Variants in STX19 observed in about 807,000 individuals in gnomAD.
STX19 encodes the protein syntaxin 19.
In STX19, 26 loss-of-function variants were observed where a neutral mutation model predicts 24.3. The observed-to-expected ratio is 1.07, with a 90% CI of 0.78 to 1.48. STX19 has a LOEUF of 1.48. Among genes scored for constraint, STX19 ranks in the 40% most tolerant of loss-of-function variants. The pLI, the probability that STX19 is intolerant of heterozygous loss-of-function variation, is 0.00. For missense variants in STX19, 367 were observed against 331.9 expected (o/e 1.11, Z -0.82); for synonymous variants, 116 against 106.9 (o/e 1.09, Z -0.52).
intron 1 of STX19, among the ~76,000 whole-genome samples, chr3:94,022,860 A>G (rs1180602818): frequency 6.6e-6 from 1 of 152,070 alleles, no homozygotes. Flanking sequence ...TTAATTACCA[A>G]AGTTTTTCAC....
At chr3:94,019,196 T>C (rs1002589509) in intron 1 of STX19, among the ~76,000 whole-genome samples, 1 of 152,024 alleles carries the variant, frequency 6.6e-6, no homozygotes, top group African/African-American at 2.4e-5. Context: ...CCTGTTATTT[T>C]TGTTAATTTT....
intron 1 of STX19, among the ~76,000 whole-genome samples, chr3:94,021,250 G>A (rs2076442783): frequency 3.3e-5 from 5 of 151,144 alleles, no homozygotes; most frequent in African/African-American, 9.7e-5. Flanking sequence ...CTGGAGTGCA[G>A]TGTCATGATC....
At chr3:94,020,199 G>A (rs2076418684) in intron 1 of STX19, among the ~76,000 whole-genome samples, 1 of 152,100 alleles carries the variant, frequency 6.6e-6, no homozygotes, top group Non-Finnish European at 1.5e-5. Context: ...ACCTTGATGA[G>A]TCTTATATTT....
chr3:94,025,065 T>G (rs1329466670), intron 1 of STX19, among the ~76,000 whole-genome samples: 1 of 152,202 alleles, frequency 6.6e-6, no homozygotes, highest in East Asian at 1.9e-4. Context: ...TTACTGCCAC[T>G]GATTTTGGAA....
chr3:94,020,660 T>C (rs2106996422), intron 1 of STX19, among the ~76,000 whole-genome samples: 1 of 152,312 alleles, frequency 6.6e-6, no homozygotes, highest in South Asian at 2.1e-4. Context: ...TAAAAGTTTA[T>C]TCGGAAACAT....
Position 94,014,548 on chromosome 3 carries a change from T to C in STX19, c.722A>G (p.Glu241Gly), listed in dbSNP as rs774893160. ...DLFIQISLLVEEQGESINNIE... is the reference protein window; with the variant it reads ...DLFIQISLLVGEQGESINNIE... ...ATTGTTGATGCTCTCTCCTTGTTCC[T>C]CTACTAAAAGAGATATCTGAATGAA... Residue 241 changes from glutamate to glycine, a missense_variant, in exon 2 of 2, where the codon GAG becomes GGG. Coordinates refer to ENST00000315099, the MANE Select transcript of STX19 (RefSeq NM_001001850.3). 1.7e-5 allele frequency: 27 copies of C among 1,612,772 alleles called. No individual in the cohort carries two copies. The highest frequency in any genetic ancestry group is 2.0e-5 in the Non-Finnish European group (24 of 1,179,694).
rs1374871052 is a variant in STX19 at position 94,015,031 on chromosome 3, G to A, written c.239C>T (p.Ala80Val). The change falls in exon 2 of 2, where the codon GCT becomes GTT. Residue 80 changes from alanine to valine, a missense_variant. Transcript: ENST00000315099. The stretch of plus-strand genomic sequence containing the variant: ...AAGTAGACTAAACCTTCTCATTGAA[G>A]CCACCAGACTTTTCTGTTGCTGCCC... ...KFGQQQKSLV[A>V]SMRRFSLLKR... is the part of the protein sequence containing the mutation. The A allele has an allele frequency of 6.2e-7, 1 of 1,613,980 alleles. No individual in the cohort carries two copies. Among genetic ancestry groups the A allele is most frequent in the Non-Finnish European group, 8.5e-7 (1 of 1,179,954 alleles).
At position 94,015,077 on chromosome 3, in the gene STX19, C is replaced by G. The variant is rs756694465; in HGVS notation, c.193G>C (p.Ala65Pro). The G allele has an allele frequency of 5.0e-6, 8 of 1,613,836 alleles. No individual in the cohort carries two copies. The South Asian group carries it at 8.8e-5, about 18-fold the overall frequency. The change falls in exon 2 of 2, where the codon GCA (alanine) becomes CCA (proline). Residue 65 changes from alanine (A) to proline (P), a missense_variant. Physicochemically the swap from Ala to Pro is conservative, Grantham distance 27. Transcript: ENST00000315099. The part of the protein sequence containing the change: ...QKLQESINNL[A>P]DNVQKFGQQQ... Reference sequence around the variant, plus strand: ...TGCCCAAATTTTTGAACATTATCTGCCAAATTGTTAATACTTTCCTGTAGT... The same window carrying G: ...TGCCCAAATTTTTGAACATTATCTGGCAAATTGTTAATACTTTCCTGTAGT...
intron 1 of STX19, among the ~76,000 whole-genome samples, chr3:94,017,830 A>G (rs1477537236): frequency 6.6e-6 from 1 of 152,118 alleles, no homozygotes; most frequent in Non-Finnish European, 1.5e-5. Flanking sequence ...AATGAGACTG[A>G]TATGTTTTAG....
chr3:94,020,346 G>A (rs2076421624), intron 1 of STX19, among the ~76,000 whole-genome samples: 1 of 152,120 alleles, frequency 6.6e-6, no homozygotes, highest in South Asian at 2.1e-4. Flanking sequence ...ATGAAATTAC[G>A]ATCTCAGCTT....
chr3:94,015,034 A>C lies in STX19; in HGVS notation c.236T>G (p.Val79Gly), dbSNP rs761559027. 17 of 1,614,074 alleles carry C rather than the reference A, an allele frequency of 1.1e-5. No individual in the cohort carries two copies. The highest frequency in any genetic ancestry group is 1.4e-5 in the Non-Finnish European group (17 of 1,179,964). ...QKFGQQQKSL[V>G]ASMRRFSLLK... ...TAGACTAAACCTTCTCATTGAAGCC[A>C]CCAGACTTTTCTGTTGCTGCCCAAA... The change falls in exon 2 of 2, where the codon GTG becomes GGG. Residue 79 changes from valine to glycine, a missense_variant. Coordinates refer to ENST00000315099, the MANE Select transcript of STX19 (RefSeq NM_001001850.3).
In STX19 at chr3:94,014,706, TTGA is replaced by T. The variant is rs1167272359; in HGVS notation, c.561_563del (p.His187del). On this transcript the variant is annotated inframe_deletion, in exon 2 of 2. Transcript: ENST00000315099. The stretch of plus-strand genomic sequence containing the variant: ...TTTCATTAAAAACTTCCCATTTTCC[TTGA>T]TGAAGCATATCATTTACATCTTCTT... 1 of 1,612,834 alleles carries T rather than the reference TTGA, an allele frequency of 6.2e-7. No individual in the cohort carries two copies. The highest frequency in any genetic ancestry group is 1.7e-4 in the Middle Eastern group (1 of 6,058).
intron 1 of STX19, among the ~76,000 whole-genome samples, chr3:94,026,016 C>G (rs1351977057): frequency 6.6e-6 from 1 of 150,582 alleles, no homozygotes; most frequent in Admixed American, 6.7e-5. Flanking sequence ...CACCTGAAAA[C>G]TTCTCTTTTT....
rs1314294376 is a variant in STX19, at chr3:94,014,524, T to C, written c.746A>G (p.Asn249Ser). ...LVEEQGESINNIEMTVNSTKE... is the reference protein window; with the variant it reads ...LVEEQGESINSIEMTVNSTKE... Reference sequence around the variant, plus strand: ...TGTACTATTCACTGTCATTTCAATATTGTTGATGCTCTCTCCTTGTTCCTC... The same window carrying C: ...TGTACTATTCACTGTCATTTCAATACTGTTGATGCTCTCTCCTTGTTCCTC... Residue 249 changes from asparagine to serine, a missense_variant, in exon 2 of 2, where the codon AAT becomes AGT. Coordinates refer to ENST00000315099, the MANE Select transcript of STX19 (RefSeq NM_001001850.3). 6.2e-7 allele frequency: 1 copy of C among 1,612,860 alleles called. No individual in the cohort carries two copies. Among genetic ancestry groups the C allele is most frequent in the East Asian group, 2.2e-5 (1 of 44,836 alleles).
At chr3:94,026,121 G>A (rs530078158) in intron 1 of STX19, among the ~76,000 whole-genome samples, 6 of 151,252 alleles carry the variant, frequency 4.0e-5, no homozygotes, top group South Asian at 4.2e-4. Context: ...CCGGGTTCAC[G>A]CCATTCTCCT....
chr3:94,025,499 A>C (rs1229817094), intron 1 of STX19, among the ~76,000 whole-genome samples: 1 of 152,168 alleles, frequency 6.6e-6, no homozygotes, highest in Non-Finnish European at 1.5e-5. Flanking sequence ...GGTTATTTCT[A>C]GTTTCTTAGG....
intron 1 of STX19, among the ~76,000 whole-genome samples, chr3:94,020,481 CAT>C (rs2076424337): frequency 2.0e-5 from 3 of 152,036 alleles, no homozygotes; most frequent in Admixed American, 1.3e-4. Context: ...TTCACTATGA[CAT>C]AGCATAGCTT....
intron 1 of STX19, among the ~76,000 whole-genome samples, chr3:94,016,711 A>G (rs1033970900): frequency 3.3e-5 from 5 of 149,800 alleles, no homozygotes; most frequent in African/African-American, 4.9e-5. Context: ...CAGTGGTGCG[A>G]CCTCAGCTCA....
chr3:94,020,332 G>A (rs1257942274), intron 1 of STX19, among the ~76,000 whole-genome samples: 2 of 152,166 alleles, frequency 1.3e-5, no homozygotes, highest in African/African-American at 4.8e-5. Flanking sequence ...CTATTCTATA[G>A]ATAATGAAAT....
Sources: gnomAD v4.1 joint callset for allele counts (sites outside exome capture counted in the v4.1 genomes callset) on GRCh38, gnomAD v4.1.1 for gene constraint, MANE v1.5 for transcripts, NCBI Gene and HGNC (gene_info 2026-07-23, HGNC 2026-07-21) for gene names.